SEMA4D: variants seen among roughly 807,000 people sequenced by gnomAD.
The protein encoded by SEMA4D is semaphorin-4D.
A neutral mutation model predicts 74.8 loss-of-function variants in SEMA4D; 22 were observed. The observed-to-expected ratio is 0.29, with a 90% CI of 0.21 to 0.42. SEMA4D has a LOEUF of 0.42. SEMA4D is among the 10% of genes least tolerant of loss of function. The pLI, the probability that SEMA4D is intolerant of heterozygous loss-of-function variation, is 1.00. For synonymous variants in SEMA4D, 445 were observed against 463.7 expected, an observed-to-expected ratio of 0.96 and a Z score of 0.52; for missense variants, 937 against 1,118.4, an observed-to-expected ratio of 0.84 and a Z score of 2.31.
At chr9:89,375,766 T>G (rs190692759), downstream of SEMA4D, among the ~76,000 whole-genome samples, 313 of 152,366 alleles carry the variant, frequency 2.1e-3, 2 homozygotes, top group African/African-American at 7.3e-3. Flanking sequence ...ATCTACTATC[T>G]TTCAAGAGCA....
intron 18 of SEMA4D, chr9:89,363,360 C>T: frequency 6.3e-7 from 1 of 1,591,668 alleles, no homozygotes; most frequent in Non-Finnish European, 8.5e-7. Flanking sequence ...CTTGAAAGAT[C>T]CACTGGATGT....
intron 1 of SEMA4D, among the ~76,000 whole-genome samples, chr9:89,494,598 A>G (rs1363961139): frequency 6.6e-6 from 1 of 152,258 alleles, no homozygotes; most frequent in African/African-American, 2.4e-5. Flanking sequence ...TGATGCCATC[A>G]TGAAGTAAAG....
intron 1 of SEMA4D, among the ~76,000 whole-genome samples, chr9:89,461,700 C>CTCTTTTTTTTTTTTTTTT (rs71281350): frequency 1.1e-4 from 11 of 103,646 alleles, no homozygotes; most frequent in South Asian, 3.8e-4. Flanking sequence ...TCTTTTTTCT[C>CTCTTTTTTTTTTTTTTTT]TTTTTTTTTT....
intron 13 of SEMA4D, chr9:89,384,692 G>A (rs1181019909): frequency 2.0e-6 from 2 of 985,308 alleles, no homozygotes; most frequent in African/African-American, 3.5e-5. Flanking sequence ...TTGTCATCAG[G>A]GGAGAGGAGG....
At chr9:89,447,747 C>T (rs1382795587) in intron 2 of SEMA4D, among the ~76,000 whole-genome samples, 6 of 148,332 alleles carry the variant, frequency 4.0e-5, no homozygotes, top group African/African-American at 7.4e-5. Flanking sequence ...TCCTCTCCTA[C>T]CCCTACCCTT....
chr9:89,386,464 T>C lies in SEMA4D; in HGVS notation c.1349A>G (p.Lys450Arg), dbSNP rs1306129883. The change falls in exon 13 of 16, where the codon AAA (lysine) becomes AGA (arginine). Residue 450 changes from lysine to arginine, a missense_variant. Transcript: ENST00000422704. The stretch of plus-strand genomic sequence containing the variant: ...AACAGCGTGCTCGAGGCTGATGGCT[T>C]TGTGCAGAGCTCCCCGGTCTGCAGG... ...FVSTDRGALH[K>R]AISLEHAVHI... The C allele has an allele frequency of 1.2e-6, 2 of 1,613,938 alleles. No individual in the cohort carries two copies. Among genetic ancestry groups the C allele is most frequent in the Non-Finnish European group, 8.5e-7 (1 of 1,179,880 alleles).
chr9:89,370,220 G>A (rs979534989), intron 16 of SEMA4D, among the ~76,000 whole-genome samples: 1 of 150,860 alleles, frequency 6.6e-6, no homozygotes, highest in East Asian at 1.9e-4. Flanking sequence ...TGTATGTGAT[G>A]TTTTGTGCTG....
At chr9:89,383,399 G>T (rs1310276363) in intron 13 of SEMA4D, among the ~76,000 whole-genome samples, 1 of 152,146 alleles carries the variant, frequency 6.6e-6, no homozygotes, top group Non-Finnish European at 1.5e-5. Flanking sequence ...CCCAGAAAGC[G>T]CCCTCTTTGG....
At chr9:89,395,355 T>C (rs2133335850) in intron 6 of SEMA4D, among the ~76,000 whole-genome samples, 1 of 150,284 alleles carries the variant, frequency 6.7e-6, no homozygotes, top group South Asian at 2.1e-4. Flanking sequence ...ACCCAGGAGA[T>C]GGAGGTTGCA....
At chr9:89,443,398 A>C (rs1326511456) in intron 2 of SEMA4D, among the ~76,000 whole-genome samples, 1 of 152,038 alleles carries the variant, frequency 6.6e-6, no homozygotes, top group Non-Finnish European at 1.5e-5. Context: ...TGCCCTGTCC[A>C]CCTTCTCACT....
downstream of SEMA4D, among the ~76,000 whole-genome samples, chr9:89,374,251 C>A (rs900209006): frequency 4.6e-5 from 7 of 152,248 alleles, no homozygotes; most frequent in African/African-American, 1.7e-4. Context: ...CCCTCAGCTC[C>A]CCTACCCTCT....
intron 1 of SEMA4D, among the ~76,000 whole-genome samples, chr9:89,494,939 C>A (rs1006149585): frequency 2.0e-5 from 3 of 152,176 alleles, no homozygotes; most frequent in Non-Finnish European, 2.9e-5. Flanking sequence ...CCACAAATGT[C>A]CATGAGACAC....
At chr9:89,462,578 G>C (rs1354870750) in intron 1 of SEMA4D, among the ~76,000 whole-genome samples, 2 of 152,108 alleles carry the variant, frequency 1.3e-5, no homozygotes, top group Admixed American at 1.3e-4. Flanking sequence ...TCAATTTGAA[G>C]GAGTAAAAAT....
intron 9 of SEMA4D, among the ~76,000 whole-genome samples, chr9:89,390,359 CGGCTGCGG>C (rs144396932): frequency 3.6e-5 from 2 of 55,994 alleles, no homozygotes; most frequent in East Asian, 3.0e-4. Flanking sequence ...ATGGCAGCCA[CGGCTGCGG>C]GGCTGCGGGG....
rs149469558 is a variant in SEMA4D, at chr9:89,383,480, A to C, written c.1447-2134T>G. ...CAGACACACCACAAAACACCAGACTACTCCTCTCCAGGAGTGCTGAGGTCA... is the reference window on the plus strand; with the variant it reads ...CAGACACACCACAAAACACCAGACTCCTCCTCTCCAGGAGTGCTGAGGTCA... On this transcript the variant is annotated intron_variant, in intron 13 of 15. Transcript: ENST00000422704. Among the ~76,000 whole-genome samples, 238 of 151,972 alleles carry C rather than the reference A, an allele frequency of 1.6e-3. 1 individual carries two copies. Among genetic ancestry groups the C allele is most frequent in the African/African-American group, 5.5e-3 (229 of 41,456 alleles).
At chr9:89,394,199 GC>G (rs1241640388) in intron 6 of SEMA4D, among the ~76,000 whole-genome samples, 2 of 152,180 alleles carry the variant, frequency 1.3e-5, no homozygotes, top group Admixed American at 6.5e-5. Context: ...CAGAGCAGGG[GC>G]TGGCGTTTCC....
chr9:89,397,670 C>T (rs1328905296), intron 5 of SEMA4D, among the ~76,000 whole-genome samples: 3 of 152,164 alleles, frequency 2.0e-5, no homozygotes, highest in Non-Finnish European at 2.9e-5. Flanking sequence ...CCCCGGAAAC[C>T]GGAGCTACAC....
chr9:89,430,902 G>A (rs1000570253), intron 2 of SEMA4D, among the ~76,000 whole-genome samples: 3 of 152,148 alleles, frequency 2.0e-5, no homozygotes, highest in East Asian at 1.9e-4. Flanking sequence ...GCTTGAACCC[G>A]GGAGGCGGAG....
chr9:89,424,082 T>TACTTCACCTTCCCCAGCTACTCCCTCAGC (rs1420044482), intron 2 of SEMA4D, among the ~76,000 whole-genome samples: 2 of 135,106 alleles, frequency 1.5e-5, no homozygotes, highest in African/African-American at 5.7e-5. Context: ...ACTCCCTCAG[T>TACTTCACCTTCCCCAGCTACTCCCTCAGC]ACTTCACCTT....
Sources: allele counts gnomAD v4.1 joint callset (sites outside exome capture counted in the v4.1 genomes callset), GRCh38; gene constraint gnomAD v4.1.1; transcripts MANE v1.5; gene names NCBI Gene and HGNC (gene_info 2026-07-23, HGNC 2026-07-21).